The following PHLDB2 variants were observed in gnomAD, a reference collection of about 807,000 sequenced individuals.
The protein encoded by PHLDB2 is pleckstrin homology like domain family B member 2.
Under a neutral mutation model 123.6 loss-of-function variants are expected in PHLDB2, and 71 were observed. The observed-to-expected ratio is 0.57, with a 90% confidence interval of 0.47 to 0.70. PHLDB2 has a LOEUF of 0.70. Among genes scored for constraint, PHLDB2 ranks in the 30% least tolerant of loss-of-function variants. PHLDB2 has a pLI of 0.00. For synonymous variants in PHLDB2, 547 were observed against 541.6 expected (o/e 1.01, Z -0.14); for missense variants, 1,446 against 1,519.5 (o/e 0.95, Z 0.80).
chr3:111,907,202 G>A (rs1169535278), intron 2 of PHLDB2, among the ~76,000 whole-genome samples: 1 of 152,174 alleles, frequency 6.6e-6, no homozygotes, highest in African/African-American at 2.4e-5. Flanking sequence ...AAGTTCTGGG[G>A]TTTCCTAGAC....
intron 1 of PHLDB2, among the ~76,000 whole-genome samples, chr3:111,794,587 A>G (rs1304755285): frequency 2.0e-5 from 3 of 152,170 alleles, no homozygotes; most frequent in Admixed American, 2.0e-4. Context: ...CCTGAAGATT[A>G]TTTGTAGATA....
At chr3:111,823,575 T>C (rs1216623448) in intron 1 of PHLDB2, among the ~76,000 whole-genome samples, 2 of 152,354 alleles carry the variant, frequency 1.3e-5, no homozygotes, top group African/African-American at 4.8e-5. Flanking sequence ...CTTAGGTTTC[T>C]ACACTGACCA....
chr3:111,851,144 G>A (rs1449103699), intron 2 of PHLDB2, among the ~76,000 whole-genome samples: 2 of 142,884 alleles, frequency 1.4e-5, no homozygotes, highest in Non-Finnish European at 3.0e-5. Flanking sequence ...GCAGTGAGCC[G>A]AGATCACGCC....
chr3:111,834,207 ATG>A lies in PHLDB2; in HGVS notation c.-48-11612_-48-11611del, dbSNP rs1246384504. ...TATTATATATGTAATAGAATTATATATGTAATAGAATTATATATATATTATGT... is the reference window on the plus strand; with the variant it reads ...TATTATATATGTAATAGAATTATATATAATAGAATTATATATATATTATGT... On this transcript the variant is annotated intron_variant, in intron 1 of 17. Coordinates refer to the PHLDB2 transcript ENST00000393923. Among the ~76,000 whole-genome samples the A allele has an allele frequency of 1.1e-3, 50 of 46,706 alleles. 2 individuals are homozygous for A. The highest frequency in any genetic ancestry group is 3.3e-3 in the African/African-American group (49 of 14,724). 30.6% of individuals were successfully genotyped at this position (46,706 alleles called of 152,430 possible).
chr3:111,842,581 C>A (rs1040770599), intron 1 of PHLDB2, among the ~76,000 whole-genome samples: 3 of 152,084 alleles, frequency 2.0e-5, no homozygotes, highest in Non-Finnish European at 4.4e-5. Context: ...TGTGAAGCTT[C>A]TTTTTTTAAA....
chr3:111,955,471 C>T (rs1229177468), intron 12 of PHLDB2, among the ~76,000 whole-genome samples: 1 of 152,040 alleles, frequency 6.6e-6, no homozygotes, highest in East Asian at 1.9e-4. Flanking sequence ...ATATTTGAGA[C>T]AAGGTCTCAC....
chr3:111,814,477 T>A (rs2061981542), intron 1 of PHLDB2, among the ~76,000 whole-genome samples: 1 of 152,290 alleles, frequency 6.6e-6, no homozygotes, highest in African/African-American at 2.4e-5. Context: ...AGTTAATACT[T>A]AATAAACTCT....
intron 13 of PHLDB2, among the ~76,000 whole-genome samples, chr3:111,963,967 C>T (rs2107670556): frequency 6.6e-6 from 1 of 152,198 alleles, no homozygotes; most frequent in Non-Finnish European, 1.5e-5. Flanking sequence ...CTTAGAGTAT[C>T]ATAAATTTTG....
At chr3:111,774,259 T>A (rs1166439619) in intron 1 of PHLDB2, among the ~76,000 whole-genome samples, 1 of 152,188 alleles carries the variant, frequency 6.6e-6, no homozygotes, top group African/African-American at 2.4e-5. Flanking sequence ...GGGTGATGGA[T>A]GTGCTTCAGG....
chr3:111,960,217 A>G, intron 12 of PHLDB2: 1 of 756,190 alleles, frequency 1.3e-6, no homozygotes, highest in Middle Eastern at 6.8e-4. Flanking sequence ...CGCCTTCCTT[A>G]AAAAAAGACG....
At chr3:111,787,565 A>T (rs1365672404) in intron 1 of PHLDB2, among the ~76,000 whole-genome samples, 1 of 152,120 alleles carries the variant, frequency 6.6e-6, no homozygotes, top group Non-Finnish European at 1.5e-5. Context: ...CTAGAATTGG[A>T]GGGCTCAATC....
intron 1 of PHLDB2, among the ~76,000 whole-genome samples, chr3:111,797,100 A>G (rs1454604368): frequency 1.1e-4 from 17 of 152,168 alleles, no homozygotes; most frequent in Admixed American, 1.1e-3. Flanking sequence ...TGATCTCCTC[A>G]AAGAAGGCTT....
At chr3:111,911,781 GT>G (rs577896517) in intron 2 of PHLDB2, 23 of 1,421,948 alleles carry the variant, frequency 1.6e-5, no homozygotes, top group Non-Finnish European at 2.0e-5. Flanking sequence ...TTGCTCTTTT[GT>G]TTTTTTTGTT....
intron 1 of PHLDB2, chr3:111,859,867 A>G (rs1051414874): frequency 1.8e-4 from 173 of 985,636 alleles, no homozygotes; most frequent in Non-Finnish European, 4.5e-5. Flanking sequence ...GGTTTGGAGG[A>G]AAGATGAGAC....
At chr3:111,852,791 C>T (rs974513445) in intron 2 of PHLDB2, among the ~76,000 whole-genome samples, 1 of 151,900 alleles carries the variant, frequency 6.6e-6, no homozygotes, top group African/African-American at 2.4e-5. Flanking sequence ...CATACACACA[C>T]ACCATCCTTT....
chr3:111,787,821 T>C (rs2060755551), intron 1 of PHLDB2, among the ~76,000 whole-genome samples: 1 of 152,218 alleles, frequency 6.6e-6, no homozygotes, highest in Non-Finnish European at 1.5e-5. Context: ...TCCAACCTGA[T>C]TGCATGTTTC....
intron 10 of PHLDB2, among the ~76,000 whole-genome samples, chr3:111,951,124 G>C (rs1208840896): frequency 6.6e-6 from 1 of 152,142 alleles, no homozygotes; most frequent in African/African-American, 2.4e-5. Context: ...GAGCTAGATT[G>C]AAGTGTTCTG....
intron 5 of PHLDB2, among the ~76,000 whole-genome samples, chr3:111,924,351 T>G (rs1350739441): frequency 6.6e-6 from 1 of 152,266 alleles, no homozygotes; most frequent in East Asian, 1.9e-4. Context: ...GGCACTGTGA[T>G]CCACTGTTTA....
At chr3:111,755,610 A>C (rs1254415321) in intron 1 of PHLDB2, among the ~76,000 whole-genome samples, 1 of 146,756 alleles carries the variant, frequency 6.8e-6, no homozygotes, top group Non-Finnish European at 1.5e-5. Context: ...CAGCTCCTGG[A>C]TTCATTAATT....
Sources: allele counts gnomAD v4.1 joint callset (sites outside exome capture counted in the v4.1 genomes callset), GRCh38; gene constraint gnomAD v4.1.1; transcripts MANE v1.5; gene names NCBI Gene and HGNC (gene_info 2026-07-23, HGNC 2026-07-21).